Variants in C10orf90 observed in about 807,000 individuals in gnomAD.
C10orf90 encodes (E2-independent) E3 ubiquitin-conjugating enzyme FATS.
In C10orf90, 56 loss-of-function variants were observed where a neutral mutation model predicts 62.5. The observed-to-expected ratio is 0.90, with a 90% CI of 0.72 to 1.12. The LOEUF is 1.12. Among genes scored for constraint, C10orf90 ranks in the 50% most tolerant of loss-of-function variants. The pLI, the probability that C10orf90 is intolerant of heterozygous loss-of-function variation, is 0.00. For synonymous variants in C10orf90, 386 were observed against 340.4 expected (o/e 1.13, Z -1.47); for missense variants, 970 against 880.4 (o/e 1.10, Z -1.29).
chr10:126,458,924 G>A, intron 7 of C10orf90, 116 bp downstream of exon 7: 2 of 1,125,988 alleles, frequency 1.8e-6, no homozygotes, highest in African/African-American at 3.1e-5. Context: ...AGCCATAACA[G>A]GTTCTGCGTA....
intron 2 of C10orf90, among the ~76,000 whole-genome samples, chr10:126,591,141 T>C (rs996898581): frequency 6.6e-6 from 1 of 152,190 alleles, no homozygotes; most frequent in East Asian, 1.9e-4. Context: ...GTACCACTTC[T>C]ACTGAAACTA....
intron 4 of C10orf90, among the ~76,000 whole-genome samples, chr10:126,467,756 A>C (rs576251506): frequency 6.6e-6 from 1 of 152,358 alleles, no homozygotes; most frequent in African/African-American, 2.4e-5. Context: ...TGCAGCAGGA[A>C]GTGAAAAAAA....
intron 2 of C10orf90, among the ~76,000 whole-genome samples, chr10:126,518,074 T>G (rs970258210): frequency 6.8e-6 from 1 of 147,762 alleles, no homozygotes; most frequent in Non-Finnish European, 1.5e-5. Flanking sequence ...TTTTTTTTCC[T>G]GAAGAGCAGC....
At chr10:126,611,240 C>CA (rs1845426767) in intron 2 of C10orf90, among the ~76,000 whole-genome samples, 1 of 152,146 alleles carries the variant, frequency 6.6e-6, no homozygotes, top group Admixed American at 6.5e-5. Flanking sequence ...AAATGGATTA[C>CA]AAAATGTATT....
intron 1 of C10orf90, among the ~76,000 whole-genome samples, chr10:126,651,065 A>G (rs1846282874): frequency 6.6e-6 from 1 of 152,236 alleles, no homozygotes; most frequent in African/African-American, 2.4e-5. Flanking sequence ...TGTAGGTGTA[A>G]TAATAGTAGA....
At chr10:126,459,388 C>T (rs966449692) in intron 6 of C10orf90, among the ~76,000 whole-genome samples, 171 bp from the exon 7 acceptor site, 5 of 152,244 alleles carry the variant, frequency 3.3e-5, no homozygotes, top group African/African-American at 1.2e-4. Context: ...AAGAAGGTAA[C>T]AGGCATGTTG....
In C10orf90 at chr10:126,651,907, G is replaced by A. The variant is rs145586873; in HGVS notation, c.241-5270C>T. On this transcript the variant is annotated intron_variant, in intron 1 of 9. Coordinates refer to ENST00000488181, the MANE Select transcript of C10orf90 (RefSeq NM_001350921.2). ...TCAGCATCTGAATGTCTCCTCCAAGGGATGTAGGAGGCTCCACCAGAAGGC... is the reference window on the plus strand; with the variant it reads ...TCAGCATCTGAATGTCTCCTCCAAGAGATGTAGGAGGCTCCACCAGAAGGC... Among the ~76,000 whole-genome samples, 324 of 152,270 alleles carry A rather than the reference G, an allele frequency of 2.1e-3. 1 individual carries two copies. Among genetic ancestry groups the A allele is most frequent in the African/African-American group, 7.4e-3 (308 of 41,548 alleles).
chr10:126,505,144 C>T, intron 3 of C10orf90, 59 bp from the exon 4 acceptor site: 1 of 1,521,140 alleles, frequency 6.6e-7, no homozygotes, highest in Middle Eastern at 1.9e-4. Context: ...AGACAGTAAA[C>T]TCTCTTTCAA....
intron 4 of C10orf90, among the ~76,000 whole-genome samples, chr10:126,501,918 G>T (rs111762556): frequency 6.6e-6 from 1 of 151,576 alleles, no homozygotes; most frequent in Admixed American, 6.6e-5. Context: ...AGAAAGGGGA[G>T]GGTGAGAGGT....
At chr10:126,618,216 C>CT (rs1845580114) in intron 2 of C10orf90, among the ~76,000 whole-genome samples, 2 of 152,150 alleles carry the variant, frequency 1.3e-5, no homozygotes, top group African/African-American at 4.8e-5. Context: ...GAGACACTAC[C>CT]ATCAACTGTC....
intron 2 of C10orf90, among the ~76,000 whole-genome samples, chr10:126,644,151 C>A (rs551612236): frequency 1.3e-5 from 2 of 152,346 alleles, no homozygotes; most frequent in South Asian, 4.1e-4. Context: ...GATGGCTAAT[C>A]ATGTTCACCT....
At chr10:126,455,453 G>C (rs1157551930) in intron 7 of C10orf90, among the ~76,000 whole-genome samples, 2 of 152,146 alleles carry the variant, frequency 1.3e-5, no homozygotes, top group Admixed American at 6.5e-5. Flanking sequence ...AGAATCCTAT[G>C]ACCATTGCCT....
At chr10:126,637,982 G>A (rs75695026) in intron 2 of C10orf90, among the ~76,000 whole-genome samples, 22 of 152,298 alleles carry the variant, frequency 1.4e-4, no homozygotes, top group African/African-American at 2.2e-4. Flanking sequence ...CAAAGATGGT[G>A]AGGAAGCAAA....
intron 2 of C10orf90, among the ~76,000 whole-genome samples, chr10:126,536,869 G>T (rs773239911): frequency 1.2e-4 from 18 of 152,166 alleles, no homozygotes; most frequent in Non-Finnish European, 2.5e-4. Context: ...GCTTCTGAGG[G>T]CTGGATTGGG....
At chr10:126,589,150 A>T (rs1844931716) in intron 2 of C10orf90, among the ~76,000 whole-genome samples, 1 of 152,200 alleles carries the variant, frequency 6.6e-6, no homozygotes, top group Non-Finnish European at 1.5e-5. Flanking sequence ...GGCAGACAAG[A>T]ATAGAGAAAA....
At chr10:126,549,476 C>G (rs1040473901) in intron 2 of C10orf90, among the ~76,000 whole-genome samples, 5 of 152,110 alleles carry the variant, frequency 3.3e-5, no homozygotes, top group African/African-American at 1.2e-4. Context: ...CACCACATAC[C>G]TATCAGCATG....
intron 4 of C10orf90, among the ~76,000 whole-genome samples, chr10:126,503,325 C>T (rs1207515010): frequency 1.3e-5 from 2 of 152,116 alleles, no homozygotes; most frequent in Non-Finnish European, 2.9e-5. Flanking sequence ...TCAAGATGCC[C>T]CAGAAGACAA....
chr10:126,494,041 A>G (rs1027934908), intron 4 of C10orf90, among the ~76,000 whole-genome samples: 2 of 152,176 alleles, frequency 1.3e-5, no homozygotes, highest in African/African-American at 4.8e-5. Flanking sequence ...GCACAAGGAT[A>G]TTTATGAAGG....
rs1466304148 is a variant in C10orf90, at chr10:126,453,096, A to G, written c.2188+5944T>C. ...ATTTTAATACTTGCTCCAACCAAGA[A>G]TCATCAGGGAAAGAAGATTTGTTGG... On this transcript the variant is annotated intron_variant, in intron 7 of 9. Coordinates refer to ENST00000488181, the MANE Select transcript of C10orf90 (RefSeq NM_001350921.2). This position sits in a 1 kb window ranked among gnomAD's most constrained non-coding sequence, Gnocchi z 4.9. Among the ~76,000 whole-genome samples the G allele has an allele frequency of 2.0e-5, 3 of 152,214 alleles. No homozygotes were observed. Among genetic ancestry groups the G allele is most frequent in the Admixed American group, 6.5e-5 (1 of 15,284 alleles).
Sources: allele counts gnomAD v4.1 joint callset (sites outside exome capture counted in the v4.1 genomes callset), GRCh38; gene constraint gnomAD v4.1.1; non-coding constraint Gnocchi (gnomAD v3.1); transcripts MANE v1.5; gene names NCBI Gene and HGNC (gene_info 2026-07-23, HGNC 2026-07-21).